SMG6: variants seen among roughly 807,000 people sequenced by gnomAD.
The protein encoded by SMG6 is telomerase-binding protein EST1A.
Under a neutral mutation model 142.2 loss-of-function variants are expected in SMG6, and 66 were observed. That is an observed-to-expected ratio of 0.46 (90% CI 0.38 to 0.57). The LOEUF is 0.57. Ranked by LOEUF, SMG6 falls within the 20% of genes least tolerant of loss-of-function variation. The pLI, the probability that SMG6 is intolerant of heterozygous loss-of-function variation, is 0.00. For missense variants in SMG6, 1,793 were observed against 1,832.0 expected (o/e 0.98, Z 0.39); for synonymous variants, 779 against 702.4 (o/e 1.11, Z -1.72).
chr17:2,064,771 C>T (rs1482776605), intron 18 of SMG6, among the ~76,000 whole-genome samples: 8 of 151,618 alleles, frequency 5.3e-5, no homozygotes, highest in Non-Finnish European at 7.4e-5. Flanking sequence ...TGCTGTCAGA[C>T]GGAACTCACT....
intron 10 of SMG6, chr17:2,216,138 A>G (rs2073012829): frequency 6.6e-6 from 1 of 152,164 alleles, no homozygotes; most frequent in South Asian, 2.1e-4. Context: ...CCCAGTAGGC[A>G]GAAATTTTTG....
rs768727600 is a variant in SMG6, at chr17:2,282,776, C to T, written c.2532G>A (p.Arg844=). The change falls in exon 8 of 19, where the codon CGG becomes CGA. Residue 844 remains arginine (R), a synonymous_variant. Transcript: ENST00000263073. ...GGCGAGTGGTGTCATCTCCAACATG[C>T]CGGAAAGTAGACTTCTTTCCTTTCC... ...QWRKGKKSTF[R]HVGDDTTRLE... is the part of the protein sequence containing the mutation. 1 of 1,614,188 alleles carries T rather than the reference C, an allele frequency of 6.2e-7. No individual in the cohort carries two copies. The highest frequency in any genetic ancestry group is 1.1e-5 in the South Asian group (1 of 91,076).
rs1472593197 is a variant in SMG6 at position 2,061,718 on chromosome 17, G to A, written c.4130-96C>T. On this transcript the variant is annotated intron_variant, in intron 18 of 18. Coordinates refer to ENST00000263073, the MANE Select transcript of SMG6 (RefSeq NM_017575.5). ...TGGAGAATGTGGTCCTGGGGAGGGGGTGCCACGCTAGCCGTGTCTTGGCTC... is the reference window on the plus strand; with the variant it reads ...TGGAGAATGTGGTCCTGGGGAGGGGATGCCACGCTAGCCGTGTCTTGGCTC... 8.0e-6 allele frequency: 11 copies of A among 1,377,984 alleles called. No homozygotes were observed. The South Asian group carries it at 1.2e-4, about 15-fold the overall frequency. 85.4% of individuals were successfully genotyped at this position (1,377,984 alleles called of 1,614,324 possible).
chr17:2,237,373 A>G, intron 9 of SMG6: 5 of 376,118 alleles, frequency 1.3e-5, no homozygotes, highest in Non-Finnish European at 1.8e-5. Flanking sequence ...CGGCCTAAAG[A>G]TATTTTACCC....
chr17:2,201,021 C>T, intron 10 of SMG6, among the ~76,000 whole-genome samples: 1 of 152,108 alleles, frequency 6.6e-6, no homozygotes. Flanking sequence ...CAAACATTTT[C>T]TAAAAAGTAG....
At chr17:2,258,062 C>CACACATATATAT (rs2074232794) in intron 8 of SMG6, among the ~76,000 whole-genome samples, 10 of 120,318 alleles carry the variant, frequency 8.3e-5, no homozygotes, top group Admixed American at 1.8e-4. Flanking sequence ...CACACACACA[C>CACACATATATAT]ACACATATAT....
chr17:2,234,543 G>A (rs1163957488), intron 10 of SMG6, among the ~76,000 whole-genome samples: 2 of 152,130 alleles, frequency 1.3e-5, no homozygotes, highest in South Asian at 2.1e-4. Flanking sequence ...GATTACAGGC[G>A]TGAGCCACCG....
chr17:2,211,611 C>G (rs1164857766), intron 10 of SMG6, among the ~76,000 whole-genome samples: 3 of 149,022 alleles, frequency 2.0e-5, no homozygotes, highest in Non-Finnish European at 3.0e-5. Context: ...TTGCAGTGAG[C>G]CGAGATCGTG....
chr17:2,147,237 A>G (rs1463780015), intron 13 of SMG6, among the ~76,000 whole-genome samples: 10 of 152,154 alleles, frequency 6.6e-5, no homozygotes. Context: ...TACTAAAAAT[A>G]CAAAAATTAG....
chr17:2,286,151 T>C (rs1173376923), intron 6 of SMG6, among the ~76,000 whole-genome samples: 2 of 152,150 alleles, frequency 1.3e-5, no homozygotes, highest in African/African-American at 4.8e-5. Context: ...AGACACCCTG[T>C]GTTCATGAAT....
At chr17:2,120,935 C>T (rs150553246) in intron 13 of SMG6, among the ~76,000 whole-genome samples, 11 of 151,926 alleles carry the variant, frequency 7.2e-5, no homozygotes, top group South Asian at 6.2e-4. Flanking sequence ...TTGGGCCACG[C>T]GTAAAATATA....
At chr17:2,303,327 C>T in intron 1 of SMG6, 1 of 1,157,978 alleles carries the variant, frequency 8.6e-7, no homozygotes, top group Non-Finnish European at 1.1e-6. Context: ...CTCCCGATGC[C>T]TGGGAATCCG....
intron 10 of SMG6, among the ~76,000 whole-genome samples, chr17:2,207,115 TCCAAAAAA>T (rs1179886027): frequency 4.6e-4 from 26 of 56,642 alleles, no homozygotes; most frequent in African/African-American, 4.7e-4. Context: ...CTACTAAAAA[TCCAAAAAA>T]AAAAAAAAAA....
intron 8 of SMG6, among the ~76,000 whole-genome samples, chr17:2,250,100 A>G (rs2151311766): frequency 6.6e-6 from 1 of 152,334 alleles, no homozygotes; most frequent in East Asian, 1.9e-4. Flanking sequence ...GTTATCACTC[A>G]AAATTGTGTC....
In SMG6 at chr17:2,061,317, G is replaced by T. The variant is rs2067766943; in HGVS notation, c.*175C>A. On this transcript the variant is annotated 3_prime_UTR_variant, in exon 19 of 19. Coordinates refer to ENST00000263073, the MANE Select transcript of SMG6 (RefSeq NM_017575.5). ...GCAGCTTCCGCCCGATCCTTGGGAG[G>T]GGCTCTGTGAGGAGCAGGTCCCCCA... The T allele has an allele frequency of 3.1e-6, 2 of 636,938 alleles. No individual in the cohort carries two copies. The highest frequency in any genetic ancestry group is 1.8e-5 in the African/African-American group (1 of 54,350). The allele number at this position is 636,938 out of a possible 1,614,324, so 39.5% of individuals were successfully genotyped here.
intron 13 of SMG6, among the ~76,000 whole-genome samples, chr17:2,094,245 C>T (rs1370237149): frequency 2.0e-5 from 3 of 152,078 alleles, no homozygotes; most frequent in Admixed American, 1.3e-4. Context: ...AACCCTGCAA[C>T]GTAACTTTCT....
chr17:2,242,689 T>TAAAAAAAAAAAAA (rs57079220), intron 9 of SMG6, among the ~76,000 whole-genome samples: 13 of 55,850 alleles, frequency 2.3e-4, no homozygotes, highest in East Asian at 1.5e-3. Context: ...TCCATCTCTT[T>TAAAAAAAAAAAAA]AAAAAAAAAA....
intron 12 of SMG6, among the ~76,000 whole-genome samples, chr17:2,184,363 G>T (rs1444793899): frequency 7.4e-6 from 1 of 135,864 alleles, no homozygotes; most frequent in Non-Finnish European, 1.6e-5. Flanking sequence ...ACTCTGGGGG[G>T]AAAAAAAAAA....
intron 13 of SMG6, among the ~76,000 whole-genome samples, chr17:2,113,817 TGAGTGTCACACGAGA>T (rs1377889283): frequency 1.7e-4 from 26 of 152,226 alleles, no homozygotes; most frequent in African/African-American, 6.3e-4. Flanking sequence ...TATCTCCTCC[TGAGTGTCACACGAGA>T]GTGGTGGAAC....
Sources: gnomAD v4.1 joint callset for allele counts (sites outside exome capture counted in the v4.1 genomes callset) on GRCh38, gnomAD v4.1.1 for gene constraint, MANE v1.5 for transcripts, NCBI Gene and HGNC (gene_info 2026-07-23, HGNC 2026-07-21) for gene names.